Variants in IL1RAPL1 observed in about 807,000 individuals in gnomAD.
IL1RAPL1 encodes interleukin 1 receptor accessory protein like 1, also known as interleukin-1 receptor accessory protein-like 1.
A neutral mutation model predicts 48.4 loss-of-function variants in IL1RAPL1; 3 were observed. The ratio of observed to expected loss-of-function variants is 0.06; its 90% CI spans 0.03 to 0.16. The LOEUF (loss-of-function observed/expected upper bound fraction) is 0.16, where lower values mean the gene tolerates loss of function less well. Ranked by LOEUF, IL1RAPL1 falls within the 10% of genes least tolerant of loss-of-function variation. The pLI is 1.00. For missense variants in IL1RAPL1, 349 were observed against 530.6 expected, an observed-to-expected ratio of 0.66 and a Z score of 3.36; for synonymous variants, 185 against 187.7, an observed-to-expected ratio of 0.99 and a Z score of 0.12.
At chrX:28,728,637 A>G (rs772178909) in intron 1 of IL1RAPL1, among the ~76,000 whole-genome samples, 5 of 112,124 alleles carry the variant, frequency 4.5e-5, no homozygotes, top group East Asian at 2.8e-4. Flanking sequence ...TTAGCAAACA[A>G]TATTCTGTAA....
intron 2 of IL1RAPL1, among the ~76,000 whole-genome samples, chrX:29,045,076 G>C (rs754486714): frequency 2.3e-4 from 26 of 111,053 alleles, no homozygotes; most frequent in Admixed American, 2.1e-3. Context: ...TTGAAAAATG[G>C]TAGATGAAAC....
At chrX:29,858,846 T>C (rs1388447587) in intron 6 of IL1RAPL1, among the ~76,000 whole-genome samples, 1 of 110,976 alleles carries the variant, frequency 9.0e-6, no homozygotes, top group East Asian at 2.8e-4. Flanking sequence ...GGCATCACAC[T>C]TGATCATCAA....
chrX:29,635,420 G>GTC (rs1924936396), intron 5 of IL1RAPL1, among the ~76,000 whole-genome samples: 1 of 111,841 alleles, frequency 8.9e-6, no homozygotes, highest in Non-Finnish European at 1.9e-5. Context: ...ATAAAGTAAT[G>GTC]TCTTCAAAGT....
At chrX:29,839,315 A>G (rs1223950374) in intron 6 of IL1RAPL1, among the ~76,000 whole-genome samples, 1 of 112,284 alleles carries the variant, frequency 8.9e-6, no homozygotes, top group Non-Finnish European at 1.9e-5. Flanking sequence ...TTGGAGACAC[A>G]TAATAAATGT....
intron 6 of IL1RAPL1, among the ~76,000 whole-genome samples, chrX:29,776,329 A>G (rs1210454941): frequency 9.0e-6 from 1 of 110,770 alleles, no homozygotes; most frequent in Non-Finnish European, 1.9e-5. Flanking sequence ...TTCCCTAATC[A>G]TCAGTCACAA....
At chrX:29,944,771 A>T (rs1419703330) in intron 9 of IL1RAPL1, among the ~76,000 whole-genome samples, 1 of 111,174 alleles carries the variant, frequency 9.0e-6, no homozygotes, top group Non-Finnish European at 1.9e-5. Context: ...CTCACTTGAG[A>T]TACTACCACC....
In IL1RAPL1 at chrX:29,340,062, A is replaced by G. The variant is rs1468329921; in HGVS notation, c.363-56196A>G. ...ACATGTTTTTCTGCCAACTGAAAGA[A>G]TAGATACAGTGGTAGAGATTACTGT... On this transcript the variant is annotated intron_variant, in intron 3 of 10. Coordinates refer to ENST00000378993, the MANE Select transcript of IL1RAPL1 (RefSeq NM_014271.4). Among the ~76,000 whole-genome samples the G allele has an allele frequency of 4.4e-5, 5 of 112,368 alleles. No homozygotes were observed. In the South Asian group the frequency reaches 1.5e-3, roughly 33 times the overall value.
At chrX:28,596,183 T>C (rs997912601) in intron 1 of IL1RAPL1, among the ~76,000 whole-genome samples, 2 of 111,780 alleles carry the variant, frequency 1.8e-5, no homozygotes, top group African/African-American at 6.5e-5. Flanking sequence ...AGATCTGTGT[T>C]CTCCAAAACT....
At chrX:29,877,151 G>A (rs1238902019) in intron 6 of IL1RAPL1, among the ~76,000 whole-genome samples, 3 of 111,868 alleles carry the variant, frequency 2.7e-5, no homozygotes, top group African/African-American at 9.8e-5. Flanking sequence ...AATGCCACAC[G>A]TACAACTATG....
intron 1 of IL1RAPL1, among the ~76,000 whole-genome samples, chrX:28,593,510 C>G (rs1034559584): frequency 1.8e-5 from 2 of 111,410 alleles, no homozygotes; most frequent in Non-Finnish European, 3.8e-5. Context: ...ATAAATGGCA[C>G]TAAATGAGCT....
chrX:28,833,448 G>T (rs1289428507), intron 2 of IL1RAPL1, among the ~76,000 whole-genome samples: 3 of 111,625 alleles, frequency 2.7e-5, no homozygotes, highest in Non-Finnish European at 5.7e-5. Context: ...CCAACAGTGT[G>T]TAAGTGTTCA....
Position 29,453,596 on chromosome X carries a change from A to G in IL1RAPL1, c.703+54288A>G, listed in dbSNP as rs776491972. ...ATCCCCAGTAGAAGATCACAGTCCA[A>G]CAACTCTCAACTCTGGCTGCACATT... On this transcript the variant is annotated intron_variant, in intron 5 of 10. Coordinates refer to ENST00000378993, the MANE Select transcript of IL1RAPL1 (RefSeq NM_014271.4). Among the ~76,000 whole-genome samples the G allele has an allele frequency of 1.3e-4, 14 of 111,446 alleles. No individual in the cohort carries two copies. The South Asian group carries it at 5.4e-3, about 43-fold the overall frequency.
chrX:29,650,767 A>G (rs1925492907), intron 5 of IL1RAPL1, among the ~76,000 whole-genome samples: 1 of 111,289 alleles, frequency 9.0e-6, no homozygotes, highest in Non-Finnish European at 1.9e-5. Context: ...AGCAAAAAAA[A>G]TAGACAAATG....
At chrX:29,742,543 T>TG (rs1243419095) in intron 6 of IL1RAPL1, among the ~76,000 whole-genome samples, 3 of 106,670 alleles carry the variant, frequency 2.8e-5, no homozygotes, top group Non-Finnish European at 1.9e-5. Context: ...AAGTAAATGG[T>TG]GGGAAAAAAA....
chrX:28,654,311 T>G (rs1210504456), intron 1 of IL1RAPL1, among the ~76,000 whole-genome samples: 1 of 111,090 alleles, frequency 9.0e-6, no homozygotes. Flanking sequence ...CTGTACCAAA[T>G]GCTTTATATT....
At chrX:29,202,840 G>A (rs1350426163) in intron 2 of IL1RAPL1, among the ~76,000 whole-genome samples, 4 of 111,114 alleles carry the variant, frequency 3.6e-5, no homozygotes, top group Non-Finnish European at 7.5e-5. Context: ...AGGGGACAAC[G>A]GATGCCAAGG....
chrX:29,086,966 A>AG (rs1927965241), intron 2 of IL1RAPL1, among the ~76,000 whole-genome samples: 1 of 110,902 alleles, frequency 9.0e-6, no homozygotes, highest in Non-Finnish European at 1.9e-5. Flanking sequence ...AAAAAGTATA[A>AG]TGGATACCTC....
At chrX:29,310,631 AC>A (rs72502992) in intron 3 of IL1RAPL1, among the ~76,000 whole-genome samples, 8,515 of 111,779 alleles carry the variant, frequency 0.076, 832 homozygotes, top group African/African-American at 0.26. Flanking sequence ...ACACACACAC[AC>A]AACTTTAATT....
chrX:29,601,451 A>G (rs1185926159), intron 5 of IL1RAPL1, among the ~76,000 whole-genome samples: 1 of 111,971 alleles, frequency 8.9e-6, no homozygotes, highest in East Asian at 2.8e-4. Context: ...AGTAAATCCC[A>G]CAGAGAGGCT....
Sources: allele counts gnomAD v4.1 joint callset (sites outside exome capture counted in the v4.1 genomes callset), GRCh38; gene constraint gnomAD v4.1.1; transcripts MANE v1.5; gene names NCBI Gene and HGNC (gene_info 2026-07-23, HGNC 2026-07-21).